MAST2: variants seen among roughly 807,000 people sequenced by gnomAD.
MAST2 encodes microtubule associated serine/threonine kinase 2, also known as microtubule-associated serine/threonine-protein kinase 2.
In MAST2, 70 loss-of-function variants were observed where a neutral mutation model predicts 147.4. The observed-to-expected ratio is 0.47, with a 90% CI of 0.39 to 0.58. MAST2 has a LOEUF of 0.58. MAST2 is among the 20% of genes least tolerant of loss of function. MAST2 has a pLI of 0.00. For missense variants in MAST2, 2,080 were observed against 2,302.3 expected, an observed-to-expected ratio of 0.90 and a Z score of 1.98; for synonymous variants, 869 against 896.8, an observed-to-expected ratio of 0.97 and a Z score of 0.55.
chr1:45,886,169 A>G (rs772409884), intron 4 of MAST2, among the ~76,000 whole-genome samples: 20 of 151,028 alleles, frequency 1.3e-4, no homozygotes, highest in Non-Finnish European at 2.4e-4. Flanking sequence ...ACATTTGAGC[A>G]GAGAACAGGA....
intron 3 of MAST2, among the ~76,000 whole-genome samples, chr1:45,831,030 GAAA>G (rs11302327): frequency 1.3e-4 from 15 of 116,308 alleles, no homozygotes; most frequent in Non-Finnish European, 9.1e-5. Context: ...ACCTTGTCTG[GAAA>G]AAAAAAAAAA....
chr1:45,973,060 T>G (rs1027656298), intron 5 of MAST2, among the ~76,000 whole-genome samples: 2 of 152,224 alleles, frequency 1.3e-5, no homozygotes, highest in Non-Finnish European at 2.9e-5. Flanking sequence ...GTACCTATCA[T>G]TGCAGCTGTA....
In MAST2 at chr1:46,002,786, T is replaced by TA. The variant is rs763816408; in HGVS notation, c.669-18dup. ...GTGTAGTCCTGCAGAAACTGCCTAA[T>TA]ACTTTTTCTTGCATACAGGACTGAT... On this transcript the variant is annotated intron_variant, in intron 6 of 28. Transcript: ENST00000361297. The TA allele has an allele frequency of 1.2e-6, 2 of 1,613,118 alleles. No individual in the cohort carries two copies. Among genetic ancestry groups the TA allele is most frequent in the Non-Finnish European group, 1.7e-6 (2 of 1,179,204 alleles).
In MAST2 at chr1:46,029,521, C is replaced by T; in HGVS notation, c.2274C>T (p.Leu758=). The change falls in exon 19 of 29, where the codon CTC becomes CTT. Residue 758 remains leucine, a synonymous_variant. Transcript: ENST00000361297. ...CACTGCCCCCAGACGCCCAGGACCTCACCTCCAAACTGCTCCACCAGAACC... is the reference window on the plus strand; with the variant it reads ...CACTGCCCCCAGACGCCCAGGACCTTACCTCCAAACTGCTCCACCAGAACC... ...DEALPPDAQD[L]TSKLLHQNPL... 2 of 1,614,144 alleles carry T rather than the reference C, an allele frequency of 1.2e-6. No homozygotes were observed. Among genetic ancestry groups the T allele is most frequent in the Non-Finnish European group, 1.7e-6 (2 of 1,179,996 alleles).
rs761932458 is a variant in MAST2 at position 46,032,616 on chromosome 1, G to C, written c.3435G>C (p.Pro1145=). 1.9e-6 allele frequency: 3 copies of C among 1,614,042 alleles called. No homozygotes were observed. Among genetic ancestry groups the C allele is most frequent in the Non-Finnish European group, 2.5e-6 (3 of 1,180,016 alleles). ...HMVWHVEDGG[P]ASEAGLRQGD... ...CACAGCACGTGGAGGATGGAGGTCC[G>C]GCCAGTGAGGCAGGGCTTCGTCAAG... Residue 1145 remains proline (P), a synonymous_variant, in exon 26 of 29, where the codon CCG becomes CCC. Transcript: ENST00000361297.
intron 4 of MAST2, among the ~76,000 whole-genome samples, chr1:45,958,793 A>G (rs1402110886): frequency 6.6e-6 from 1 of 152,200 alleles, no homozygotes; most frequent in Non-Finnish European, 1.5e-5. Context: ...TCAGTAATAG[A>G]TGTTGCATGA....
At chr1:45,980,666 C>G (rs1364869977) in intron 5 of MAST2, among the ~76,000 whole-genome samples, 1 of 152,128 alleles carries the variant, frequency 6.6e-6, no homozygotes, top group African/African-American at 2.4e-5. Context: ...TCCCGATTAT[C>G]TGTGACTACA....
intron 1 of MAST2, among the ~76,000 whole-genome samples, chr1:45,812,127 G>C (rs895367862): frequency 6.6e-6 from 1 of 152,138 alleles, no homozygotes; most frequent in Admixed American, 6.6e-5. Context: ...ACTGTGTGGA[G>C]GATAGGATGC....
intron 4 of MAST2, among the ~76,000 whole-genome samples, chr1:45,898,725 A>G (rs1428964679): frequency 1.3e-5 from 2 of 152,188 alleles, no homozygotes; most frequent in Admixed American, 6.5e-5. Context: ...TGTTGCTGAG[A>G]AACAGAACAG....
intron 4 of MAST2, among the ~76,000 whole-genome samples, chr1:45,918,689 C>T (rs545645970): frequency 3.9e-4 from 60 of 152,236 alleles, no homozygotes; most frequent in Admixed American, 1.4e-3. Flanking sequence ...CCACCCGCCT[C>T]GGCCTCCCAA....
intron 3 of MAST2, among the ~76,000 whole-genome samples, chr1:45,855,176 C>T (rs1407514975): frequency 3.3e-5 from 5 of 152,174 alleles, no homozygotes; most frequent in African/African-American, 1.2e-4. Flanking sequence ...CATACAGGAG[C>T]CCAGTTAACA....
intron 4 of MAST2, among the ~76,000 whole-genome samples, chr1:45,890,033 C>T (rs748978441): frequency 4.6e-5 from 7 of 152,178 alleles, no homozygotes; most frequent in Admixed American, 1.3e-4. Context: ...CATGAGCCCC[C>T]GTGCCCAGCT....
chr1:46,029,142 T>C (rs1164061854), intron 18 of MAST2: 4 of 583,028 alleles, frequency 6.9e-6, no homozygotes, highest in East Asian at 2.9e-5. Context: ...ATGTCTCTCA[T>C]AGACACCTGG....
chr1:46,032,480 T>C, intron 25 of MAST2, 76 bp downstream of exon 25: 11 of 1,598,956 alleles, frequency 6.9e-6, no homozygotes, highest in Non-Finnish European at 9.4e-6. Context: ...AGCCCATCTG[T>C]CCCTGCTCGG....
chr1:45,811,313 G>A (rs1357646540), intron 1 of MAST2, among the ~76,000 whole-genome samples: 3 of 147,564 alleles, frequency 2.0e-5, no homozygotes, highest in African/African-American at 5.0e-5. Flanking sequence ...ATGCCACCAC[G>A]CCCAGCTAAT....
chr1:45,822,138 C>T (rs1415963380), intron 1 of MAST2, among the ~76,000 whole-genome samples: 2 of 152,058 alleles, frequency 1.3e-5, no homozygotes, highest in African/African-American at 4.8e-5. Context: ...ATCCACCCAC[C>T]TCAGCCTCCC....
At chr1:45,948,398 A>G (rs1658404314) in intron 4 of MAST2, among the ~76,000 whole-genome samples, 2 of 152,158 alleles carry the variant, frequency 1.3e-5, no homozygotes, top group South Asian at 4.1e-4. Flanking sequence ...AGAACTAGAA[A>G]AATTATTTAA....
chr1:45,866,378 G>C (rs186788672), intron 3 of MAST2, among the ~76,000 whole-genome samples: 1 of 152,160 alleles, frequency 6.6e-6, no homozygotes, highest in Admixed American at 6.5e-5. Context: ...ATTTAGTACT[G>C]TACTCAGATG....
intron 3 of MAST2, among the ~76,000 whole-genome samples, chr1:45,851,401 A>G (rs980273013): frequency 6.6e-6 from 1 of 152,142 alleles, no homozygotes; most frequent in Admixed American, 6.5e-5. Context: ...GTATAAAATC[A>G]TATTGTCTGC....
Sources: allele counts gnomAD v4.1 joint callset (sites outside exome capture counted in the v4.1 genomes callset), GRCh38; gene constraint gnomAD v4.1.1; transcripts MANE v1.5; gene names NCBI Gene and HGNC (gene_info 2026-07-23, HGNC 2026-07-21).